The following CAMKV variants were observed in gnomAD, a reference collection of about 807,000 sequenced individuals.
CAMKV encodes caM kinase-like vesicle-associated protein.
A neutral mutation model predicts 50.2 loss-of-function variants in CAMKV; 5 were observed. The observed-to-expected ratio is 0.10, with a 90% CI of 0.05 to 0.21. CAMKV has a LOEUF of 0.21. Among genes scored for constraint, CAMKV ranks in the 10% least tolerant of loss-of-function variants. The probability of loss-of-function intolerance (pLI) is 1.00; values close to 1 mark genes in which losing one functional copy is unlikely to be tolerated. For synonymous variants in CAMKV, 229 were observed against 250.1 expected (o/e 0.92, Z 0.80); for missense variants, 361 against 650.5 (o/e 0.55, Z 4.84).
Position 49,859,639 on chromosome 3 carries a change from G to A in CAMKV, c.1185C>T (p.Thr395=), listed in dbSNP as rs756724824. ...SATPATDGSA[T]PATDGSVTPA... ...GGGTGACACTGCCATCAGTGGCTGGGGTGGCACTTCCATCTGTGGCTGGGG... is the reference window on the plus strand; with the variant it reads ...GGGTGACACTGCCATCAGTGGCTGGAGTGGCACTTCCATCTGTGGCTGGGG... The change falls in exon 11 of 11, where the codon ACC becomes ACT. Residue 395 remains threonine, a synonymous_variant. Coordinates refer to ENST00000477224, the MANE Select transcript of CAMKV (RefSeq NM_024046.5). The surrounding 1 kb of genome is among the most constrained non-coding windows in gnomAD (Gnocchi z 5.5). 8 of 1,613,944 alleles carry A rather than the reference G, an allele frequency of 5.0e-6. No homozygotes were observed. The East Asian group carries it at 1.1e-4, about 22-fold the overall frequency.
chr3:49,862,367 G>A lies in CAMKV; in HGVS notation c.22C>T (p.Leu8=), dbSNP rs147683930. The change falls in exon 2 of 11, where the codon CTG becomes TTG. Residue 8 remains leucine (L), a synonymous_variant. Transcript: ENST00000477224. This position sits in a 1 kb window ranked among gnomAD's most constrained non-coding sequence, Gnocchi z 5.2. MPFGCVT[L]GDKKNYNQPS... ...TGGTTATAGTTCTTCTTGTCGCCCA[G>A]AGTCACACACCCAAACGGCATTGCC... is the stretch of plus-strand genomic sequence containing the variant. The A allele has an allele frequency of 4.4e-5, 71 of 1,614,062 alleles. No individual in the cohort carries two copies. The highest frequency in any genetic ancestry group is 5.8e-5 in the Non-Finnish European group (69 of 1,180,036).
Position 49,858,321 on chromosome 3 carries a change from C to A in CAMKV, c.*997G>T. On this transcript the variant is annotated 3_prime_UTR_variant, in exon 11 of 11. Transcript: ENST00000477224. The stretch of plus-strand genomic sequence containing the variant: ...AGTTCCTCTTCATTTCATTGTTGAA[C>A]TGAGCAGAAAATCTGCCCCTGTAAA... The A allele has an allele frequency of 2.5e-6, 1 of 398,650 alleles. No homozygotes were observed. The highest frequency in any genetic ancestry group is 4.4e-6 in the Non-Finnish European group (1 of 226,068). The allele number at this position is 398,650 out of a possible 1,614,324, so 24.7% of individuals were successfully genotyped here. A position where few individuals can be genotyped will look rare whatever the true frequency, so the allele number is the denominator to read the frequency against.
At chr3:49,868,855 G>A (rs2082084794) in intron 1 of CAMKV, among the ~76,000 whole-genome samples, 1 of 152,194 alleles carries the variant, frequency 6.6e-6, no homozygotes, top group South Asian at 2.1e-4. Flanking sequence ...GGGACAGAGG[G>A]CCCTGATCCT....
chr3:49,864,635 C>G (rs1300395196), intron 1 of CAMKV, among the ~76,000 whole-genome samples: 1 of 152,162 alleles, frequency 6.6e-6, no homozygotes, highest in Non-Finnish European at 1.5e-5. Context: ...CCATAATACC[C>G]GGTCAGTGTG....
At position 49,861,890 on chromosome 3, in the gene CAMKV, A is replaced by T; in HGVS notation, c.228-25T>A. 1 of 1,612,888 alleles carries T rather than the reference A, an allele frequency of 6.2e-7. No individual in the cohort carries two copies. The highest frequency in any genetic ancestry group is 8.5e-7 in the Non-Finnish European group (1 of 1,179,326). Reference sequence around the variant, plus strand: ...CCTGGCGACAGGGAGGGGAGCCAGTAGTTAGGGCTGGATGAACCCCTGGGA... The same window carrying T: ...CCTGGCGACAGGGAGGGGAGCCAGTTGTTAGGGCTGGATGAACCCCTGGGA... On this transcript the variant is annotated intron_variant, in intron 3 of 10. Coordinates refer to ENST00000477224, the MANE Select transcript of CAMKV (RefSeq NM_024046.5). The surrounding 1 kb of genome is among the most constrained non-coding windows in gnomAD (Gnocchi z 7.7).
chr3:49,859,965 T>C lies in CAMKV; in HGVS notation c.943-84A>G, dbSNP rs1190569435. ...CAGTGACCAAACCAAACTCCTTCCA[T>C]AGTACCCCCGGCCACCTCCATCCAC... On this transcript the variant is annotated intron_variant, in intron 10 of 10. Transcript: ENST00000477224. The surrounding 1 kb of genome is among the most constrained non-coding windows in gnomAD (Gnocchi z 5.5). The C allele has an allele frequency of 2.6e-5, 35 of 1,334,450 alleles. No homozygotes were observed. The South Asian group carries it at 4.1e-4, about 15-fold the overall frequency. 82.7% of individuals were successfully genotyped at this position (1,334,450 alleles called of 1,614,324 possible). A position where few individuals can be genotyped will look rare whatever the true frequency, so the allele number is the denominator to read the frequency against.
intron 1 of CAMKV, among the ~76,000 whole-genome samples, chr3:49,868,246 T>C (rs890016533): frequency 1.3e-5 from 2 of 152,166 alleles, no homozygotes; most frequent in Admixed American, 6.5e-5. Context: ...TTGGCCCAGC[T>C]GTACTTAGAC....
rs1403549444 is a variant in CAMKV, at chr3:49,860,079, T to C, written c.942+92A>G. ...CACCTGATGGCCTGAGAAAAGCTTG[T>C]GTGTGGCTGCAGGGGTGTGATGCAG... is the stretch of plus-strand genomic sequence containing the variant. On this transcript the variant is annotated intron_variant, in intron 10 of 10. Transcript: ENST00000477224. The surrounding 1 kb of genome is among the most constrained non-coding windows in gnomAD (Gnocchi z 6.1). 4 of 1,230,840 alleles carry C rather than the reference T, an allele frequency of 3.2e-6. No individual in the cohort carries two copies. The highest frequency in any genetic ancestry group is 4.8e-6 in the Non-Finnish European group (4 of 837,994). The allele number at this position is 1,230,840 out of a possible 1,614,324, so 76.2% of individuals were successfully genotyped here. A position where few individuals can be genotyped will look rare whatever the true frequency, so the allele number is the denominator to read the frequency against.
At position 49,859,171 on chromosome 3, in the gene CAMKV, C is replaced by T. The variant is rs2081999459; in HGVS notation, c.*147G>A. 1.4e-6 allele frequency: 1 copy of T among 720,484 alleles called. No homozygotes were observed. The highest frequency in any genetic ancestry group is 2.2e-6 in the Non-Finnish European group (1 of 447,602). 44.6% of individuals were successfully genotyped at this position (720,484 alleles called of 1,614,324 possible). A position where few individuals can be genotyped will look rare whatever the true frequency, so the allele number is the denominator to read the frequency against. On this transcript the variant is annotated 3_prime_UTR_variant, in exon 11 of 11. Coordinates refer to ENST00000477224, the MANE Select transcript of CAMKV (RefSeq NM_024046.5). This position sits in a 1 kb window ranked among gnomAD's most constrained non-coding sequence, Gnocchi z 5.5. Reference sequence around the variant, plus strand: ...ACACACAGGAGACGAGACTGCTCTCCCGTGACCCCTAGTTATGCCCCACTG... The same window carrying T: ...ACACACAGGAGACGAGACTGCTCTCTCGTGACCCCTAGTTATGCCCCACTG...
At position 49,859,518 on chromosome 3, in the gene CAMKV, G is replaced by T; in HGVS notation, c.1306C>A (p.Pro436Thr). The T allele has an allele frequency of 6.2e-7, 1 of 1,614,170 alleles. No individual in the cohort carries two copies. Among genetic ancestry groups the T allele is most frequent in the Non-Finnish European group, 8.5e-7 (1 of 1,180,012 alleles). Residue 436 changes from proline to threonine, a missense_variant, in exon 11 of 11, where the codon CCA becomes ACA. Around this residue, in one of 4 missense-constraint regions of CAMKV, gnomAD observed 27 missense variants for 59.9 expected, o/e 0.45. Coordinates refer to ENST00000477224, the MANE Select transcript of CAMKV (RefSeq NM_024046.5). The surrounding 1 kb of genome is among the most constrained non-coding windows in gnomAD (Gnocchi z 5.5). ...GGCACAGTGCTCTCTTCTGTGGCTG[G>T]TGTGGCTCTCCCATCAGTGGCTGGA... ...ATPATDGRAT[P>T]ATEESTVPTT...
chr3:49,863,429 A>T (rs2082039978), intron 1 of CAMKV: 2 of 151,490 alleles, frequency 1.3e-5, no homozygotes, highest in Non-Finnish European at 2.9e-5. Context: ...ATTCATGGGC[A>T]CAAGCCCACT....
At position 49,860,384 on chromosome 3, in the gene CAMKV, C is replaced by T. The variant is rs1482667544; in HGVS notation, c.854+87G>A. ...TCTGGGCTGCCCTGAGCTCTAGGTA[C>T]CTGCACCCCTTCCAGGCCTCAAAGA... On this transcript the variant is annotated intron_variant, in intron 9 of 10. Coordinates refer to ENST00000477224, the MANE Select transcript of CAMKV (RefSeq NM_024046.5). This position sits in a 1 kb window ranked among gnomAD's most constrained non-coding sequence, Gnocchi z 6.1. The T allele has an allele frequency of 1.3e-6, 2 of 1,546,876 alleles. No homozygotes were observed. The highest frequency in any genetic ancestry group is 1.8e-6 in the Non-Finnish European group (2 of 1,124,274).
At position 49,869,373 on chromosome 3, in the gene CAMKV, G is replaced by A. The variant is rs576127442; in HGVS notation, c.-15+385C>T. Among the ~76,000 whole-genome samples the A allele has an allele frequency of 5.3e-5, 8 of 152,316 alleles. No homozygotes were observed. In the East Asian group the frequency reaches 1.4e-3, roughly 26 times the overall value. On this transcript the variant is annotated intron_variant, in intron 1 of 10. Transcript: ENST00000477224. The surrounding 1 kb of genome is among the most constrained non-coding windows in gnomAD (Gnocchi z 5.2). ...GAACTCTCCGTTGTCATGGAAATTAGTGACTGCTAAGCGGGAGGGAAGGGG... is the reference window on the plus strand; with the variant it reads ...GAACTCTCCGTTGTCATGGAAATTAATGACTGCTAAGCGGGAGGGAAGGGG...
At position 49,859,307 on chromosome 3, in the gene CAMKV, A is replaced by C. The variant is rs957820055; in HGVS notation, c.*11T>G. On this transcript the variant is annotated 3_prime_UTR_variant, in exon 11 of 11. Coordinates refer to ENST00000477224, the MANE Select transcript of CAMKV (RefSeq NM_024046.5). The surrounding 1 kb of genome is among the most constrained non-coding windows in gnomAD (Gnocchi z 5.5). ...TGCCCATCCCCTGCCCCCCCTCACC[A>C]GGCTGCCTACTCAGCTGGCCTCCTC... 104 of 1,510,432 alleles carry C rather than the reference A, an allele frequency of 6.9e-5. No individual in the cohort carries two copies. The highest frequency in any genetic ancestry group is 8.9e-5 in the Non-Finnish European group (101 of 1,130,370). The allele number at this position is 1,510,432 out of a possible 1,614,324, so 93.6% of individuals were successfully genotyped here. A position where few individuals can be genotyped will look rare whatever the true frequency, so the allele number is the denominator to read the frequency against.
chr3:49,859,750 A>G lies in CAMKV; in HGVS notation c.1074T>C (p.Ala358=). ...PGAAGGATAA[A]ASGATSAPEG... ...CAGGGGCTGAGGTAGCTCCACTCGC[A>G]GCTGCAGCTGTGGCCCCACCTGCAG... Residue 358 remains alanine (A), a synonymous_variant, in exon 11 of 11, where the codon GCT becomes GCC. Coordinates refer to ENST00000477224, the MANE Select transcript of CAMKV (RefSeq NM_024046.5). This position sits in a 1 kb window ranked among gnomAD's most constrained non-coding sequence, Gnocchi z 5.5. 6.4e-7 allele frequency: 1 copy of G among 1,574,732 alleles called. No homozygotes were observed. Among genetic ancestry groups the G allele is most frequent in the Non-Finnish European group, 8.6e-7 (1 of 1,160,366 alleles).
At chr3:49,865,845 G>T (rs550922454) in intron 1 of CAMKV, among the ~76,000 whole-genome samples, 150 of 152,278 alleles carry the variant, frequency 9.9e-4, no homozygotes, top group African/African-American at 3.5e-3. Context: ...TCCCAGCTTT[G>T]CCAGTGTGGC....
Position 49,859,903 on chromosome 3 carries a change from A to C in CAMKV, c.943-22T>G. 6.6e-7 allele frequency: 1 copy of C among 1,507,314 alleles called. No individual in the cohort carries two copies. Among genetic ancestry groups the C allele is most frequent in the Non-Finnish European group, 8.8e-7 (1 of 1,136,186 alleles). 93.4% of individuals were successfully genotyped at this position (1,507,314 alleles called of 1,614,324 possible). The stretch of plus-strand genomic sequence containing the variant: ...CCTTCTGAAAGGAGCACAGTGGAGA[A>C]AGGCTAAGGGTGAGGCTTGCTGGAT... On this transcript the variant is annotated intron_variant, in intron 10 of 10. Coordinates refer to ENST00000477224, the MANE Select transcript of CAMKV (RefSeq NM_024046.5). This position sits in a 1 kb window ranked among gnomAD's most constrained non-coding sequence, Gnocchi z 5.5.
chr3:49,858,646 C>T lies in CAMKV; in HGVS notation c.*672G>A, dbSNP rs564592842. 3.5e-4 allele frequency: 112 copies of T among 321,302 alleles called. 2 individuals are homozygous for T. The South Asian group carries it at 0.017, about 48-fold the overall frequency. 19.9% of individuals were successfully genotyped at this position (321,302 alleles called of 1,614,324 possible). A position where few individuals can be genotyped will look rare whatever the true frequency, so the allele number is the denominator to read the frequency against. On this transcript the variant is annotated 3_prime_UTR_variant, in exon 11 of 11. Transcript: ENST00000477224. ...GGACTCGGAAAGGCAGGAAATAACA[C>T]AAATAACAGGGTCTTAGGAAGGACA...
rs4688692 is a variant in CAMKV, at chr3:49,862,940, C to T, written c.-14-538G>A. 7.5e-3 allele frequency among the ~76,000 whole-genome samples: 1,148 copies of T among 152,340 alleles called. 15 individuals are homozygous for T. The highest frequency in any genetic ancestry group is 0.025 in the African/African-American group (1,053 of 41,566). Reference sequence around the variant, plus strand: ...ACGTGCCTACAGAAGTGCACATATTCGTGCATCAGGACAGTCATACAATGC... The same window carrying T: ...ACGTGCCTACAGAAGTGCACATATTTGTGCATCAGGACAGTCATACAATGC... On this transcript the variant is annotated intron_variant, in intron 1 of 10. Coordinates refer to ENST00000477224, the MANE Select transcript of CAMKV (RefSeq NM_024046.5). The surrounding 1 kb of genome is among the most constrained non-coding windows in gnomAD (Gnocchi z 5.2).
Sources: allele counts gnomAD v4.1 joint callset (sites outside exome capture counted in the v4.1 genomes callset), GRCh38; gene constraint gnomAD v4.1.1; regional missense constraint gnomAD v4.1.1; non-coding constraint Gnocchi (gnomAD v3.1); transcripts MANE v1.5; gene names NCBI Gene and HGNC (gene_info 2026-07-23, HGNC 2026-07-21).